ST3GAL4: variants seen among roughly 807,000 people sequenced by gnomAD.
The protein encoded by ST3GAL4 is ST3 beta-galactoside alpha-2,3-sialyltransferase 4.
ST3GAL4 carries 24 observed loss-of-function variants against 42.6 expected under a neutral mutation model. That is an observed-to-expected ratio of 0.56 (90% CI 0.41 to 0.79). The LOEUF (loss-of-function observed/expected upper bound fraction) is 0.79. ST3GAL4 is among the 30% of genes least tolerant of loss of function. ST3GAL4 has a pLI of 0.00. For synonymous variants in ST3GAL4, 135 were observed against 163.2 expected, an observed-to-expected ratio of 0.83 and a Z score of 1.32; for missense variants, 311 against 430.8, an observed-to-expected ratio of 0.72 and a Z score of 2.46.
At position 126,396,909 on chromosome 11, in the gene ST3GAL4, G is replaced by A. The variant is rs911844604; in HGVS notation, c.-60-9187G>A. Among the ~76,000 whole-genome samples the A allele has an allele frequency of 2.0e-5, 3 of 152,084 alleles. No homozygotes were observed. Among genetic ancestry groups the A allele is most frequent in the East Asian group, 1.9e-4 (1 of 5,198 alleles). ...TAACACTTTCACAGCCCTTAGAAGTGTCTAGCACAGTGGTCCTCAGCATTT... is the reference window on the plus strand; with the variant it reads ...TAACACTTTCACAGCCCTTAGAAGTATCTAGCACAGTGGTCCTCAGCATTT... On this transcript the variant is annotated intron_variant, in intron 1 of 10. Coordinates refer to ENST00000444328, the MANE Select transcript of ST3GAL4 (RefSeq NM_001254757.2). This position sits in a 1 kb window ranked among gnomAD's most constrained non-coding sequence, Gnocchi z 5.8.
In ST3GAL4 at chr11:126,384,855, T is replaced by C. The variant is rs1953159579; in HGVS notation, c.-60-21241T>C. 1 of 985,118 alleles carries C rather than the reference T, an allele frequency of 1.0e-6. No individual in the cohort carries two copies. 61.0% of individuals were successfully genotyped at this position (985,118 alleles called of 1,614,324 possible). A position where few individuals can be genotyped will look rare whatever the true frequency, so the allele number is the denominator to read the frequency against. On this transcript the variant is annotated intron_variant, in intron 1 of 10. Coordinates refer to ENST00000444328, the MANE Select transcript of ST3GAL4 (RefSeq NM_001254757.2). The surrounding 1 kb of genome is among the most constrained non-coding windows in gnomAD (Gnocchi z 5.5). ...ACATATGGGCCAGGAGAGGTGAGTG[T>C]GATTGTGGTAGTGGTGGGGGCAGTG...
At chr11:126,369,405 G>A (rs780089160) in intron 1 of ST3GAL4, among the ~76,000 whole-genome samples, 34 of 152,096 alleles carry the variant, frequency 2.2e-4, no homozygotes, top group Admixed American at 5.9e-4. Flanking sequence ...GTGCCACCAC[G>A]CCCTGCTAAT....
chr11:126,360,091 T>TA (rs1952195767), intron 1 of ST3GAL4, among the ~76,000 whole-genome samples: 1 of 152,216 alleles, frequency 6.6e-6, no homozygotes, highest in Non-Finnish European at 1.5e-5. Context: ...CCTTCCAACA[T>TA]GGTGAGCTGT....
rs963992403 is a variant in ST3GAL4 at position 126,396,191 on chromosome 11, A to G, written c.-60-9905A>G. 1.3e-5 allele frequency among the ~76,000 whole-genome samples: 2 copies of G among 152,002 alleles called. No homozygotes were observed. The highest frequency in any genetic ancestry group is 2.4e-5 in the African/African-American group (1 of 41,314). On this transcript the variant is annotated intron_variant, in intron 1 of 10. Coordinates refer to ENST00000444328, the MANE Select transcript of ST3GAL4 (RefSeq NM_001254757.2). The surrounding 1 kb of genome is among the most constrained non-coding windows in gnomAD (Gnocchi z 5.8). The stretch of plus-strand genomic sequence containing the variant: ...GCACAGTCCAGCTTGAGTCCCCTCT[A>G]GAACGTGGGCAGCGGACACTAAGCC...
chr11:126,365,615 C>T (rs35156054), intron 1 of ST3GAL4, among the ~76,000 whole-genome samples: 9 of 152,076 alleles, frequency 5.9e-5, no homozygotes, highest in African/African-American at 1.7e-4. Flanking sequence ...CCTGACAGGC[C>T]GGTATCTGTC....
At chr11:126,369,490 C>T (rs568393884) in intron 1 of ST3GAL4, among the ~76,000 whole-genome samples, 4 of 152,202 alleles carry the variant, frequency 2.6e-5, no homozygotes, top group Admixed American at 6.5e-5. Context: ...TCAGGTGATC[C>T]GCTCGCCTGG....
rs764493132 is a variant in ST3GAL4 at position 126,406,924 on chromosome 11, T to G, written c.102-19T>G. On this transcript the variant is annotated intron_variant, in intron 3 of 10. Transcript: ENST00000444328. The surrounding 1 kb of genome is among the most constrained non-coding windows in gnomAD (Gnocchi z 5.4). ...GGGTCTGACTGGGGCTTCTGCCTCC[T>G]GTCCTTTTTTCTCTCCAGTTTTTAT... is the stretch of plus-strand genomic sequence containing the variant. The G allele has an allele frequency of 1.2e-6, 2 of 1,611,848 alleles. No individual in the cohort carries two copies. The highest frequency in any genetic ancestry group is 1.7e-6 in the Non-Finnish European group (2 of 1,178,222).
intron 1 of ST3GAL4, among the ~76,000 whole-genome samples, chr11:126,364,963 C>T (rs1483570118): frequency 2.7e-5 from 4 of 149,308 alleles, no homozygotes; most frequent in African/African-American, 1.0e-4. Context: ...ACTGGCAGCC[C>T]TGCAGGGTCA....
chr11:126,368,952 A>C (rs1370132683), intron 1 of ST3GAL4, among the ~76,000 whole-genome samples: 1 of 152,100 alleles, frequency 6.6e-6, no homozygotes, highest in Non-Finnish European at 1.5e-5. Context: ...GAAGCCCTGC[A>C]CCAGAGCATA....
chr11:126,373,762 G>A lies in ST3GAL4; in HGVS notation c.-61+17920G>A, dbSNP rs1322021794. Among the ~76,000 whole-genome samples the A allele has an allele frequency of 6.6e-6, 1 of 152,098 alleles. No homozygotes were observed. Among genetic ancestry groups the A allele is most frequent in the Non-Finnish European group, 1.5e-5 (1 of 68,020 alleles). On this transcript the variant is annotated intron_variant, in intron 1 of 10. Coordinates refer to ENST00000444328, the MANE Select transcript of ST3GAL4 (RefSeq NM_001254757.2). This position sits in a 1 kb window ranked among gnomAD's most constrained non-coding sequence, Gnocchi z 5.5. Reference sequence around the variant, plus strand: ...TCCTCCCATGCATGACCCTGAGGCAGTTAGCTGGTCAGTTACTCACTGTGC... The same window carrying A: ...TCCTCCCATGCATGACCCTGAGGCAATTAGCTGGTCAGTTACTCACTGTGC...
rs574471762 is a variant in ST3GAL4 at position 126,396,216 on chromosome 11, C to T, written c.-60-9880C>T. Among the ~76,000 whole-genome samples, 7 of 152,022 alleles carry T rather than the reference C, an allele frequency of 4.6e-5. No homozygotes were observed. The highest frequency in any genetic ancestry group is 2.1e-4 in the South Asian group (1 of 4,810). ...AGAACGTGGGCAGCGGACACTAAGCCGAGAGGAATCGCTGTGGGTTGGCAG... is the reference window on the plus strand; with the variant it reads ...AGAACGTGGGCAGCGGACACTAAGCTGAGAGGAATCGCTGTGGGTTGGCAG... On this transcript the variant is annotated intron_variant, in intron 1 of 10. Coordinates refer to ENST00000444328, the MANE Select transcript of ST3GAL4 (RefSeq NM_001254757.2). The surrounding 1 kb of genome is among the most constrained non-coding windows in gnomAD (Gnocchi z 5.8).
rs1250027783 is a variant in ST3GAL4 at position 126,363,962 on chromosome 11, C to G, written c.-61+8120C>G. On this transcript the variant is annotated intron_variant, in intron 1 of 10. Coordinates refer to ENST00000444328, the MANE Select transcript of ST3GAL4 (RefSeq NM_001254757.2). The surrounding 1 kb of genome is among the most constrained non-coding windows in gnomAD (Gnocchi z 4.6). The stretch of plus-strand genomic sequence containing the variant: ...CCTCGCTTTGTACTGTGGCTTTGTT[C>G]TGCCTTAGGGACCAGCTGGTCCCCT... Among the ~76,000 whole-genome samples, 1 of 152,228 alleles carries G rather than the reference C, an allele frequency of 6.6e-6. No individual in the cohort carries two copies. The highest frequency in any genetic ancestry group is 6.5e-5 in the Admixed American group (1 of 15,294).
chr11:126,406,613 A>T lies in ST3GAL4; in HGVS notation c.101+56A>T, dbSNP rs1210561325. The T allele has an allele frequency of 1.6e-5, 25 of 1,581,984 alleles. No homozygotes were observed. The African/African-American group carries it at 2.2e-4, about 14-fold the overall frequency. The stretch of plus-strand genomic sequence containing the variant: ...CTCTTGTCAGGGACAGGGCTTAGGG[A>T]TGGAGCATCATGGAGCGGGGGACCT... On this transcript the variant is annotated intron_variant, in intron 3 of 10. Transcript: ENST00000444328. The surrounding 1 kb of genome is among the most constrained non-coding windows in gnomAD (Gnocchi z 5.4).
intron 1 of ST3GAL4, among the ~76,000 whole-genome samples, chr11:126,364,153 G>A (rs1430364352): frequency 6.6e-6 from 1 of 152,222 alleles, no homozygotes; most frequent in Non-Finnish European, 1.5e-5. Context: ...CAGCTGCGCT[G>A]GCCCATTCCG....
chr11:126,382,580 G>A (rs563633390), intron 1 of ST3GAL4, among the ~76,000 whole-genome samples: 18 of 152,234 alleles, frequency 1.2e-4, no homozygotes, highest in Middle Eastern at 6.8e-3. Flanking sequence ...CTTAGATTAC[G>A]CAGGGCTTGG....
intron 1 of ST3GAL4, among the ~76,000 whole-genome samples, chr11:126,367,198 C>T (rs748357718): frequency 6.6e-6 from 1 of 152,126 alleles, no homozygotes; most frequent in Non-Finnish European, 1.5e-5. Context: ...CCAGGAGGTG[C>T]TACACCCAGA....
In ST3GAL4 at chr11:126,400,102, C is replaced by A. The variant is rs1449513422; in HGVS notation, c.-60-5994C>A. Among the ~76,000 whole-genome samples, 1 of 152,014 alleles carries A rather than the reference C, an allele frequency of 6.6e-6. No individual in the cohort carries two copies. Among genetic ancestry groups the A allele is most frequent in the African/African-American group, 2.4e-5 (1 of 41,368 alleles). On this transcript the variant is annotated intron_variant, in intron 1 of 10. Transcript: ENST00000444328. The surrounding 1 kb of genome is among the most constrained non-coding windows in gnomAD (Gnocchi z 4.6). ...CCACTTCTTGGCACCAATTTTCTGTCTTAGTCCATTTTGTGCTGCTGTAAC... is the reference window on the plus strand; with the variant it reads ...CCACTTCTTGGCACCAATTTTCTGTATTAGTCCATTTTGTGCTGCTGTAAC...
chr11:126,375,402 G>A (rs983972160), intron 1 of ST3GAL4, among the ~76,000 whole-genome samples: 8 of 152,100 alleles, frequency 5.3e-5, no homozygotes, highest in Non-Finnish European at 1.5e-5. Context: ...TGCTGTGTAG[G>A]GCAGGGGTGG....
At chr11:126,382,828 T>C (rs1435202128) in intron 1 of ST3GAL4, among the ~76,000 whole-genome samples, 3 of 152,204 alleles carry the variant, frequency 2.0e-5, no homozygotes, top group Admixed American at 1.3e-4. Context: ...TCTGTCCCTC[T>C]CATCACCCCC....
Sources: gnomAD v4.1 joint callset for allele counts (sites outside exome capture counted in the v4.1 genomes callset) on GRCh38, gnomAD v4.1.1 for gene constraint, Gnocchi (gnomAD v3.1) non-coding constraint, MANE v1.5 for transcripts, NCBI Gene and HGNC (gene_info 2026-07-23, HGNC 2026-07-21) for gene names.